The following POLR1B variants were observed in gnomAD, a reference collection of about 807,000 sequenced individuals.
The protein encoded by POLR1B is DNA-directed RNA polymerase I subunit RPA2.
A neutral mutation model predicts 105.8 loss-of-function variants in POLR1B; 30 were observed. That is an observed-to-expected ratio of 0.28 (90% CI 0.21 to 0.38). The LOEUF (loss-of-function observed/expected upper bound fraction) is 0.38, where lower values mean the gene tolerates loss of function less well. Ranked by LOEUF, POLR1B falls within the 10% of genes least tolerant of loss-of-function variation. The pLI is 1.00. For synonymous variants in POLR1B, 485 were observed against 505.1 expected, an observed-to-expected ratio of 0.96 and a Z score of 0.53; for missense variants, 976 against 1,435.8, an observed-to-expected ratio of 0.68 and a Z score of 5.17.
intron 2 of POLR1B, 87 bp downstream of exon 2, chr2:112,547,266 G>C: frequency 6.5e-7 from 1 of 1,528,334 alleles, no homozygotes; most frequent in Non-Finnish European, 8.9e-7. Context: ...GCCAGAAATT[G>C]CTTTCTTGGT....
Position 112,547,183 on chromosome 2 carries a change from A to T in POLR1B, c.345+4A>T. 1 of 1,613,986 alleles carries T rather than the reference A, an allele frequency of 6.2e-7. No homozygotes were observed. Among genetic ancestry groups the T allele is most frequent in the Non-Finnish European group, 8.5e-7 (1 of 1,179,890 alleles). ...TACCTACCGTGGGAAGTTGACAGTG[A>T]GTACTAGTGATACTGTGTGACTCTC... is the stretch of plus-strand genomic sequence containing the variant. On this transcript the variant is annotated splice_donor_region_variant and intron_variant, in intron 2 of 14. Coordinates refer to ENST00000263331, the MANE Select transcript of POLR1B (RefSeq NM_019014.6).
intron 3 of POLR1B, among the ~76,000 whole-genome samples, chr2:112,548,540 C>T (rs1032347655): frequency 6.6e-6 from 1 of 152,100 alleles, no homozygotes; most frequent in Non-Finnish European, 1.5e-5. Flanking sequence ...CCAGAGCTTT[C>T]ATACAATCAA....
chr2:112,542,241 G>T (rs1682786696), upstream of POLR1B: 1 of 1,535,262 alleles, frequency 6.5e-7, no homozygotes, highest in African/African-American at 1.4e-5. Flanking sequence ...GAGTGGGGCG[G>T]AATATGGGAG....
At position 112,559,493 on chromosome 2, in the gene POLR1B, A is replaced by T. The variant is rs777782839; in HGVS notation, c.1531A>T (p.Met511Leu). The T allele has an allele frequency of 6.2e-7, 1 of 1,614,118 alleles. No homozygotes were observed. Among genetic ancestry groups the T allele is most frequent in the African/African-American group, 1.3e-5 (1 of 74,932 alleles). The change falls in exon 9 of 15, where the codon ATG becomes TTG. Residue 511 changes from methionine to leucine, a missense_variant. Physicochemically the swap from Met to Leu is conservative, Grantham distance 15 (BLOSUM62 2). Around this residue, in one of 12 missense-constraint regions of POLR1B, gnomAD observed 5 missense variants for 27.8 expected, o/e 0.18. Transcript: ENST00000263331. Reference sequence around the variant, plus strand: ...CCCAGACGGGGAGCCCTGTGGCCTGATGAACCACCTAACTGCCGTATGTGA... The same window carrying T: ...CCCAGACGGGGAGCCCTGTGGCCTGTTGAACCACCTAACTGCCGTATGTGA... ...HTPDGEPCGL[M>L]NHLTAVCEVV...
chr2:112,568,616 C>G (rs1684426396), intron 11 of POLR1B, 130 bp from the exon 12 acceptor site: 10 of 1,035,614 alleles, frequency 9.7e-6, no homozygotes, highest in Non-Finnish European at 1.4e-5. Context: ...CAGTTGATCC[C>G]TTCAGCACTC....
rs1412038836 is a variant in POLR1B at position 112,575,818 on chromosome 2, C to T, written c.*89C>T. 1 of 1,418,994 alleles carries T rather than the reference C, an allele frequency of 7.0e-7. No individual in the cohort carries two copies. 87.9% of individuals were successfully genotyped at this position (1,418,994 alleles called of 1,614,324 possible). On this transcript the variant is annotated 3_prime_UTR_variant, in exon 15 of 15. Transcript: ENST00000263331. This position sits in a 1 kb window ranked among gnomAD's most constrained non-coding sequence, Gnocchi z 5.3. ...ATGAAGATATCATTACCAGGTTACT[C>T]TTGAGATTTTTCAACGGTGTTAGAA...
chr2:112,559,628 T>A, intron 9 of POLR1B, 54 bp downstream of exon 9: 1 of 1,567,684 alleles, frequency 6.4e-7, no homozygotes, highest in South Asian at 1.2e-5. Context: ...TTTTTTTGTG[T>A]TCTTTTTGTT....
chr2:112,542,307 C>T, upstream of POLR1B: 2 of 1,528,528 alleles, frequency 1.3e-6, no homozygotes, highest in Non-Finnish European at 1.8e-6. Context: ...CCCGTTCACT[C>T]GACGTTTTTG....
chr2:112,572,794 T>C (rs779824018), intron 13 of POLR1B, 36 bp downstream of exon 13: 4 of 1,496,792 alleles, frequency 2.7e-6, no homozygotes, highest in Non-Finnish European at 2.7e-6. Flanking sequence ...CCAATCTTTT[T>C]ATTTTTTAAC....
intron 3 of POLR1B, among the ~76,000 whole-genome samples, chr2:112,548,561 G>A (rs1683181827): frequency 1.3e-5 from 2 of 151,512 alleles, no homozygotes; most frequent in Admixed American, 1.3e-4. Flanking sequence ...GTTTTTGAAC[G>A]TATTTGGGAA....
At chr2:112,565,085 G>A (rs1399566737) in intron 10 of POLR1B, among the ~76,000 whole-genome samples, 1 of 152,198 alleles carries the variant, frequency 6.6e-6, no homozygotes, top group Non-Finnish European at 1.5e-5. Flanking sequence ...TTTAAGTGCT[G>A]TTTCGGACAC....
intron 9 of POLR1B, among the ~76,000 whole-genome samples, chr2:112,564,059 A>T (rs1407565008): frequency 6.7e-6 from 1 of 150,216 alleles, no homozygotes; most frequent in African/African-American, 2.5e-5. Flanking sequence ...CAGTAGTAAC[A>T]TCAGAGATCA....
chr2:112,555,197 G>T (rs1036389576), intron 7 of POLR1B, among the ~76,000 whole-genome samples: 25 of 151,246 alleles, frequency 1.7e-4, no homozygotes, highest in Non-Finnish European at 5.9e-5. Flanking sequence ...AAACCTGTTA[G>T]CTGGGCATGG....
At chr2:112,542,090 T>TCC, upstream of POLR1B, 1 of 1,533,130 alleles carries the variant, frequency 6.5e-7, no homozygotes, top group South Asian at 1.2e-5. Context: ...TGGGAACAGG[T>TCC]GAAGGGAAAC....
At chr2:112,574,802 A>G in intron 14 of POLR1B, 45 bp from the exon 15 acceptor site, 1 of 1,506,060 alleles carries the variant, frequency 6.6e-7, no homozygotes, top group Non-Finnish European at 9.0e-7. Flanking sequence ...TATCTCCATA[A>G]GTTAAAACAA....
At chr2:112,542,980 G>A (rs1289988145) in intron 1 of POLR1B, among the ~76,000 whole-genome samples, 1 of 152,174 alleles carries the variant, frequency 6.6e-6, no homozygotes, top group Non-Finnish European at 1.5e-5. Context: ...CAATGCACAC[G>A]GCTTTATATC....
At chr2:112,571,597 GC>G (rs1279556567) in intron 12 of POLR1B, among the ~76,000 whole-genome samples, 3 of 152,084 alleles carry the variant, frequency 2.0e-5, no homozygotes, top group Non-Finnish European at 4.4e-5. Context: ...TCCCATGCAT[GC>G]ATAGTTCAGG....
At chr2:112,545,119 A>T (rs1682967363) in intron 1 of POLR1B, among the ~76,000 whole-genome samples, 1 of 152,196 alleles carries the variant, frequency 6.6e-6, no homozygotes, top group Non-Finnish European at 1.5e-5. Flanking sequence ...GCTGTTTAAA[A>T]TGTCCCCCAA....
At chr2:112,555,859 TG>T (rs1221405375) in intron 7 of POLR1B, among the ~76,000 whole-genome samples, 2 of 152,168 alleles carry the variant, frequency 1.3e-5, no homozygotes, top group Admixed American at 6.5e-5. Flanking sequence ...TGACATAAGA[TG>T]AATTATAGAC....
Sources: allele counts gnomAD v4.1 joint callset (sites outside exome capture counted in the v4.1 genomes callset), GRCh38; gene constraint gnomAD v4.1.1; regional missense constraint gnomAD v4.1.1; non-coding constraint Gnocchi (gnomAD v3.1); transcripts MANE v1.5; gene names NCBI Gene and HGNC (gene_info 2026-07-23, HGNC 2026-07-21).